The following SH3RF3 variants were observed in gnomAD, a reference collection of about 807,000 sequenced individuals.
SH3RF3 encodes SH3 domain containing ring finger 3, also known as E3 ubiquitin-protein ligase SH3RF3.
Under a neutral mutation model 66.3 loss-of-function variants are expected in SH3RF3, and 29 were observed. The observed-to-expected ratio is 0.44, with a 90% CI of 0.33 to 0.60. SH3RF3 has a LOEUF of 0.60. SH3RF3 is among the 20% of genes least tolerant of loss of function. The pLI, the probability that SH3RF3 is intolerant of heterozygous loss-of-function variation, is 0.04. For missense variants in SH3RF3, 1,194 were observed against 1,190.9 expected (o/e 1.00, Z -0.04); for synonymous variants, 583 against 532.0 (o/e 1.10, Z -1.32).
intron 1 of SH3RF3, among the ~76,000 whole-genome samples, chr2:109,268,774 C>T (rs1399613207): frequency 3.3e-5 from 5 of 151,274 alleles, no homozygotes; most frequent in Non-Finnish European, 7.4e-5. Context: ...CTGATGATGT[C>T]GCCTACTATA....
chr2:109,440,714 T>C (rs1677536553), intron 7 of SH3RF3, among the ~76,000 whole-genome samples: 1 of 151,936 alleles, frequency 6.6e-6, no homozygotes, highest in Non-Finnish European at 1.5e-5. Context: ...GATGTGGAGA[T>C]CAGAGTTTGT....
chr2:109,222,298 TAAC>T lies in SH3RF3; in HGVS notation c.573+92191_573+92193del, dbSNP rs1679272583. Among the ~76,000 whole-genome samples the T allele has an allele frequency of 2.6e-5, 4 of 152,314 alleles. No individual in the cohort carries two copies. The South Asian group carries it at 8.3e-4, about 32-fold the overall frequency. ...TTGATAGTACAGCAGGGTGATTAGT[TAAC>T]AACAATTTATTGTATATTTTACAAT... On this transcript the variant is annotated intron_variant, in intron 1 of 9. Coordinates refer to ENST00000309415, the MANE Select transcript of SH3RF3 (RefSeq NM_001099289.3).
At chr2:109,322,222 C>T (rs1262843163) in intron 1 of SH3RF3, among the ~76,000 whole-genome samples, 1 of 152,152 alleles carries the variant, frequency 6.6e-6, no homozygotes, top group Non-Finnish European at 1.5e-5. Flanking sequence ...GAATAATCAC[C>T]ACTCCTTCTC....
intron 1 of SH3RF3, among the ~76,000 whole-genome samples, chr2:109,262,714 G>A (rs185242018): frequency 3.5e-4 from 54 of 152,248 alleles, no homozygotes; most frequent in Non-Finnish European, 6.6e-4. Context: ...TTCTTTATCC[G>A]CAAATAGCTT....
intron 8 of SH3RF3, among the ~76,000 whole-genome samples, chr2:109,487,330 G>A (rs528170247): frequency 6.6e-5 from 10 of 152,170 alleles, no homozygotes; most frequent in Admixed American, 3.3e-4. Flanking sequence ...TGCCTCACAC[G>A]GGACGACCAC....
At chr2:109,210,555 T>C (rs1678949014) in intron 1 of SH3RF3, among the ~76,000 whole-genome samples, 1 of 152,150 alleles carries the variant, frequency 6.6e-6, no homozygotes, top group South Asian at 2.1e-4. Context: ...TTTCAAGAGC[T>C]CAGGGCAAAT....
rs1389943019 is a variant in SH3RF3 at position 109,437,157 on chromosome 2, A to G, written c.1828+11A>G. 1 of 1,603,378 alleles carries G rather than the reference A, an allele frequency of 6.2e-7. No individual in the cohort carries two copies. The highest frequency in any genetic ancestry group is 8.5e-7 in the Non-Finnish European group (1 of 1,172,972). Reference sequence around the variant, plus strand: ...GCACCATTTCAACAGGTACCTTCACAGGGGCCTCACCCTGCAGGGCATCAA... The same window carrying G: ...GCACCATTTCAACAGGTACCTTCACGGGGGCCTCACCCTGCAGGGCATCAA... On this transcript the variant is annotated intron_variant, in intron 7 of 9. Transcript: ENST00000309415.
intron 1 of SH3RF3, among the ~76,000 whole-genome samples, chr2:109,250,347 G>A (rs1680057222): frequency 6.6e-6 from 1 of 152,064 alleles, no homozygotes; most frequent in Non-Finnish European, 1.5e-5. Flanking sequence ...CAAGCTAACA[G>A]TCTCCATCAG....
intron 8 of SH3RF3, among the ~76,000 whole-genome samples, chr2:109,463,219 A>G (rs1678252648): frequency 6.6e-6 from 1 of 152,252 alleles, no homozygotes; most frequent in Non-Finnish European, 1.5e-5. Context: ...AATTTAGTAG[A>G]CAGCCCATCT....
intron 1 of SH3RF3, among the ~76,000 whole-genome samples, chr2:109,143,684 G>T (rs1677019966): frequency 6.6e-6 from 1 of 152,060 alleles, no homozygotes; most frequent in African/African-American, 2.4e-5. Flanking sequence ...AGCCCAGGAG[G>T]TTGAGGCTGC....
At chr2:109,135,673 G>T (rs368093851) in intron 1 of SH3RF3, among the ~76,000 whole-genome samples, 45 of 151,982 alleles carry the variant, frequency 3.0e-4, no homozygotes, top group East Asian at 7.7e-4. Context: ...TGCATGGGGG[G>T]GTGTGTGTGT....
At chr2:109,301,652 T>C (rs1444658960) in intron 1 of SH3RF3, among the ~76,000 whole-genome samples, 4 of 152,184 alleles carry the variant, frequency 2.6e-5, no homozygotes, top group African/African-American at 9.7e-5. Flanking sequence ...CCGAGACCAC[T>C]AGGCTCCTTT....
At chr2:109,221,821 G>C (rs1679250958) in intron 1 of SH3RF3, among the ~76,000 whole-genome samples, 1 of 152,066 alleles carries the variant, frequency 6.6e-6, no homozygotes, top group South Asian at 2.1e-4. Flanking sequence ...ACGAAAACTA[G>C]AACTATCATA....
intron 1 of SH3RF3, among the ~76,000 whole-genome samples, chr2:109,329,140 T>C (rs1176071696): frequency 2.0e-5 from 3 of 152,198 alleles, no homozygotes; most frequent in Non-Finnish European, 4.4e-5. Flanking sequence ...CTCTCCTACA[T>C]TGGTTTCTCT....
intron 1 of SH3RF3, among the ~76,000 whole-genome samples, chr2:109,168,065 A>G (rs371673547): frequency 1.6e-4 from 24 of 152,334 alleles, no homozygotes; most frequent in Admixed American, 1.2e-3. Flanking sequence ...TTCATTTACT[A>G]AAATGAAATC....
intron 1 of SH3RF3, among the ~76,000 whole-genome samples, chr2:109,218,019 A>G (rs1411713239): frequency 6.6e-6 from 1 of 152,120 alleles, no homozygotes; most frequent in Non-Finnish European, 1.5e-5. Context: ...GCTTGGATGG[A>G]ACCAGGTGCC....
At chr2:109,215,112 A>G (rs1370903353) in intron 1 of SH3RF3, among the ~76,000 whole-genome samples, 2 of 152,336 alleles carry the variant, frequency 1.3e-5, no homozygotes, top group South Asian at 2.1e-4. Flanking sequence ...CTCCATACAC[A>G]TCACAATTGA....
intron 1 of SH3RF3, among the ~76,000 whole-genome samples, chr2:109,304,576 C>T (rs532908265): frequency 5.9e-5 from 9 of 152,294 alleles, no homozygotes; most frequent in Admixed American, 1.3e-4. Context: ...CTGCACCCGT[C>T]GGCACTGCCC....
intron 1 of SH3RF3, among the ~76,000 whole-genome samples, chr2:109,327,544 C>T (rs2105477523): frequency 6.6e-6 from 1 of 152,286 alleles, no homozygotes; most frequent in South Asian, 2.1e-4. Context: ...ATTGGAAATG[C>T]ATTTGAACTA....
Sources: gnomAD v4.1 joint callset for allele counts (sites outside exome capture counted in the v4.1 genomes callset) on GRCh38, gnomAD v4.1.1 for gene constraint, MANE v1.5 for transcripts, NCBI Gene and HGNC (gene_info 2026-07-23, HGNC 2026-07-21) for gene names.